ADAMTS19: variants seen among roughly 807,000 people sequenced by gnomAD.
ADAMTS19 encodes the protein A disintegrin and metalloproteinase with thrombospondin motifs 19.
Under a neutral mutation model 153.3 loss-of-function variants are expected in ADAMTS19, and 93 were observed. The ratio of observed to expected loss-of-function variants is 0.61; its 90% CI spans 0.51 to 0.72. The LOEUF is 0.72. ADAMTS19 is among the 30% of genes least tolerant of loss of function. ADAMTS19 has a pLI of 0.00. For missense variants in ADAMTS19, 1,482 were observed against 1,552.1 expected, an observed-to-expected ratio of 0.95 and a Z score of 0.76; for synonymous variants, 600 against 556.6, an observed-to-expected ratio of 1.08 and a Z score of -1.10.
At chr5:129,677,339 G>A (rs1754594055) in intron 16 of ADAMTS19, among the ~76,000 whole-genome samples, 1 of 152,088 alleles carries the variant, frequency 6.6e-6, no homozygotes, top group Non-Finnish European at 1.5e-5. Flanking sequence ...AGCTGGGGAT[G>A]GTGGTGGCAG....
chr5:129,480,410 C>T (rs1750368701), intron 2 of ADAMTS19, among the ~76,000 whole-genome samples: 2 of 152,106 alleles, frequency 1.3e-5, no homozygotes, highest in African/African-American at 4.8e-5. Flanking sequence ...ATTTGGACAT[C>T]TTAAGTATTA....
intron 8 of ADAMTS19, among the ~76,000 whole-genome samples, chr5:129,601,748 T>C (rs537076340): frequency 6.6e-6 from 1 of 152,198 alleles, no homozygotes; most frequent in Non-Finnish European, 1.5e-5. Flanking sequence ...GCACAAAGTA[T>C]TGGCAACCCG....
chr5:129,714,421 G>A (rs1272348272), intron 21 of ADAMTS19, among the ~76,000 whole-genome samples: 1 of 79,508 alleles, frequency 1.3e-5, no homozygotes, highest in African/African-American at 6.8e-5. Flanking sequence ...GCGAGACTCC[G>A]TCTCAAAAAA....
chr5:129,602,795 AAC>A lies in ADAMTS19; in HGVS notation c.1478+6135_1478+6136del, dbSNP rs781188218. Reference sequence around the variant, plus strand: ...TACTTTCTCATTCTAAAATTAGGGAAACACATTTTTGTATTGTTGTCTTATAT... The same window carrying A: ...TACTTTCTCATTCTAAAATTAGGGAAACATTTTTGTATTGTTGTCTTATAT... On this transcript the variant is annotated intron_variant, in intron 8 of 22. Transcript: ENST00000274487. Among the ~76,000 whole-genome samples the A allele has an allele frequency of 2.0e-5, 3 of 149,746 alleles. No homozygotes were observed. The South Asian group carries it at 6.4e-4, about 32-fold the overall frequency.
At chr5:129,508,885 G>C (rs377423183) in intron 2 of ADAMTS19, among the ~76,000 whole-genome samples, 192 bp from the exon 3 acceptor site, 1 of 151,990 alleles carries the variant, frequency 6.6e-6, no homozygotes, top group Non-Finnish European at 1.5e-5. Context: ...GTTTATGTTA[G>C]TGCAATAAAG....
At position 129,596,539 on chromosome 5, in the gene ADAMTS19, T is replaced by C; in HGVS notation, c.1373-20T>C. On this transcript the variant is annotated intron_variant, in intron 7 of 22. Coordinates refer to ENST00000274487, the MANE Select transcript of ADAMTS19 (RefSeq NM_133638.6). Reference sequence around the variant, plus strand: ...GCATATTCATTCAGACATATAATAATTAATGTTTGTATTTTTTAGGTATAG... The same window carrying C: ...GCATATTCATTCAGACATATAATAACTAATGTTTGTATTTTTTAGGTATAG... 2 of 1,459,454 alleles carry C rather than the reference T, an allele frequency of 1.4e-6. No individual in the cohort carries two copies. Among genetic ancestry groups the C allele is most frequent in the Non-Finnish European group, 1.9e-6 (2 of 1,057,126 alleles). The allele number at this position is 1,459,454 out of a possible 1,614,324, so 90.4% of individuals were successfully genotyped here. A position where few individuals can be genotyped will look rare whatever the true frequency, so the allele number is the denominator to read the frequency against.
At chr5:129,580,446 C>T in intron 7 of ADAMTS19, among the ~76,000 whole-genome samples, 1 of 152,082 alleles carries the variant, frequency 6.6e-6, no homozygotes, top group Non-Finnish European at 1.5e-5. Flanking sequence ...GCCTGACTGC[C>T]CTGGCCAGAA....
At chr5:129,629,897 A>T (rs1752213040) in intron 10 of ADAMTS19, among the ~76,000 whole-genome samples, 1 of 152,086 alleles carries the variant, frequency 6.6e-6, no homozygotes, top group Non-Finnish European at 1.5e-5. Flanking sequence ...CCCTAGAAAT[A>T]GTAAGAAGTG....
At chr5:129,567,263 T>C (rs1041003327) in intron 7 of ADAMTS19, among the ~76,000 whole-genome samples, 1 of 152,146 alleles carries the variant, frequency 6.6e-6, no homozygotes, top group African/African-American at 2.4e-5. Flanking sequence ...CTTCATAAGA[T>C]TTAAATAAGT....
chr5:129,484,530 A>G (rs764275050), intron 2 of ADAMTS19, among the ~76,000 whole-genome samples: 7 of 152,192 alleles, frequency 4.6e-5, no homozygotes, highest in Non-Finnish European at 7.4e-5. Flanking sequence ...TCCTTTTAGA[A>G]TGCCTTTTAA....
intron 3 of ADAMTS19, among the ~76,000 whole-genome samples, chr5:129,510,686 ATTG>A (rs1460028304): frequency 3.3e-5 from 5 of 151,914 alleles, no homozygotes; most frequent in African/African-American, 1.2e-4. Context: ...CTTTTGAATA[ATTG>A]TTAAGTTCCA....
At chr5:129,624,389 C>G (rs30708) in intron 10 of ADAMTS19, among the ~76,000 whole-genome samples, 1 of 151,874 alleles carries the variant, frequency 6.6e-6, no homozygotes, top group Admixed American at 6.6e-5. Context: ...TCACAATCCT[C>G]TTTCTTAAAT....
intron 7 of ADAMTS19, among the ~76,000 whole-genome samples, chr5:129,583,459 C>T (rs1311440223): frequency 6.6e-6 from 1 of 152,046 alleles, no homozygotes; most frequent in Non-Finnish European, 1.5e-5. Flanking sequence ...GTTGGCCTCT[C>T]TTGCTAGGTT....
At chr5:129,497,127 G>A (rs966202056) in intron 2 of ADAMTS19, among the ~76,000 whole-genome samples, 2 of 151,960 alleles carry the variant, frequency 1.3e-5, no homozygotes, top group African/African-American at 4.8e-5. Flanking sequence ...ACGGGCAGGA[G>A]CTTCCTCCGA....
intron 7 of ADAMTS19, among the ~76,000 whole-genome samples, chr5:129,560,309 C>G (rs1753455722): frequency 6.6e-6 from 1 of 151,918 alleles, no homozygotes. Context: ...TTTTAGGGAG[C>G]AGGTTGTTTT....
chr5:129,537,066 T>TA (rs1752461669), intron 6 of ADAMTS19, among the ~76,000 whole-genome samples: 2 of 141,918 alleles, frequency 1.4e-5, no homozygotes, highest in Admixed American at 7.0e-5. Flanking sequence ...TAATAATAAT[T>TA]TAAAAAAAAG....
At chr5:129,617,533 AT>A (rs1160220161) in intron 8 of ADAMTS19, among the ~76,000 whole-genome samples, 1 of 152,044 alleles carries the variant, frequency 6.6e-6, no homozygotes, top group African/African-American at 2.4e-5. Flanking sequence ...AAATAATAGC[AT>A]TTGTGTATGG....
At chr5:129,668,757 G>GTTAAATA (rs1754166558) in intron 16 of ADAMTS19, among the ~76,000 whole-genome samples, 6 of 152,000 alleles carry the variant, frequency 3.9e-5, no homozygotes, top group Admixed American at 3.9e-4. Context: ...ATTTTTTATT[G>GTTAAATA]TGGTAAAATA....
intron 8 of ADAMTS19, among the ~76,000 whole-genome samples, chr5:129,607,956 TAC>T (rs991523917): frequency 4.1e-5 from 6 of 146,460 alleles, no homozygotes; most frequent in African/African-American, 1.3e-4. Context: ...CATATATATA[TAC>T]ACACACATAT....
Sources: allele counts gnomAD v4.1 joint callset (sites outside exome capture counted in the v4.1 genomes callset), GRCh38; gene constraint gnomAD v4.1.1; transcripts MANE v1.5; gene names NCBI Gene and HGNC (gene_info 2026-07-23, HGNC 2026-07-21).